Variants in RSPH3 observed in about 807,000 individuals in gnomAD.
The protein encoded by RSPH3 is radial spoke head 3, also known as radial spoke head protein 3 homolog.
In RSPH3, 21 loss-of-function variants were observed where a neutral mutation model predicts 43.8. The ratio of observed to expected loss-of-function variants is 0.48; its 90% CI spans 0.34 to 0.69. RSPH3 has a LOEUF of 0.69. Among genes scored for constraint, RSPH3 ranks in the 30% least tolerant of loss-of-function variants. The pLI is 0.01. For missense variants in RSPH3, 487 were observed against 516.0 expected (o/e 0.94, Z 0.54); for synonymous variants, 173 against 179.8 (o/e 0.96, Z 0.30).
rs1017588350 is a variant in RSPH3 at position 158,973,203 on chromosome 6, G to T, written c.*4335C>A. 1.3e-5 allele frequency: 2 copies of T among 152,070 alleles called. No homozygotes were observed. The highest frequency in any genetic ancestry group is 6.5e-5 in the Admixed American group (1 of 15,268). 9.4% of individuals were successfully genotyped at this position (152,070 alleles called of 1,614,324 possible). A position where few individuals can be genotyped will look rare whatever the true frequency, so the allele number is the denominator to read the frequency against. On this transcript the variant is annotated 3_prime_UTR_variant, in exon 8 of 8. Transcript: ENST00000367069. The stretch of plus-strand genomic sequence containing the variant: ...AAACAGCCATGGCTATTGAACTACA[G>T]AATACATAAAAATACATTCTGTGAT...
Position 158,989,416 on chromosome 6 carries a change from T to G in RSPH3, c.205-2995A>C, listed in dbSNP as rs568898654. Among the ~76,000 whole-genome samples the G allele has an allele frequency of 2.5e-3, 374 of 152,350 alleles. 3 individuals are homozygous for G. Among genetic ancestry groups the G allele is most frequent in the African/African-American group, 8.6e-3 (358 of 41,580 alleles). On this transcript the variant is annotated intron_variant, in intron 2 of 7. Coordinates refer to ENST00000367069, the MANE Select transcript of RSPH3 (RefSeq NM_031924.8). The surrounding 1 kb of genome is among the most constrained non-coding windows in gnomAD (Gnocchi z 4.3). ...GTGGTGCCTTAAGGCCAGGTTCACC[T>G]GGCTCTAGTAAATGATCAGAGCACT...
intron 3 of RSPH3, among the ~76,000 whole-genome samples, chr6:158,985,072 A>T (rs1778184404): frequency 6.6e-6 from 1 of 152,184 alleles, no homozygotes; most frequent in South Asian, 2.1e-4. Flanking sequence ...TCCAAGGAAA[A>T]CACCAAGCAC....
At chr6:158,969,957 A>G (rs778081401), downstream of RSPH3, among the ~76,000 whole-genome samples, 1 of 152,174 alleles carries the variant, frequency 6.6e-6, no homozygotes, top group Non-Finnish European at 1.5e-5. Context: ...TTCTTTGAAT[A>G]TATAATAGCC....
rs1229597716 is a variant in RSPH3, at chr6:158,975,367, A to G, written c.*2171T>C. ...CTATTAGTGCAATAATTTATTTTAA[A>G]TTATTCTTTGTACCTCACAAAAACA... On this transcript the variant is annotated 3_prime_UTR_variant, in exon 8 of 8. Transcript: ENST00000367069. 2 of 152,216 alleles carry G rather than the reference A, an allele frequency of 1.3e-5. No homozygotes were observed. The highest frequency in any genetic ancestry group is 2.9e-5 in the Non-Finnish European group (2 of 68,028). 9.4% of individuals were successfully genotyped at this position (152,216 alleles called of 1,614,324 possible). A position where few individuals can be genotyped will look rare whatever the true frequency, so the allele number is the denominator to read the frequency against.
chr6:158,978,554 T>C lies in RSPH3; in HGVS notation c.860-208A>G, dbSNP rs550088668. ...ATTTTTTATTTTTATTTTTTTATTT[T>C]TTTTGAGACAGAGGTTTACTCTGTT... is the stretch of plus-strand genomic sequence containing the variant. On this transcript the variant is annotated intron_variant, in intron 6 of 7. Transcript: ENST00000367069. Among the ~76,000 whole-genome samples the C allele has an allele frequency of 2.0e-5, 3 of 152,324 alleles. No individual in the cohort carries two copies. The South Asian group carries it at 6.2e-4, about 32-fold the overall frequency.
rs760602630 is a variant in RSPH3 at position 158,999,624 on chromosome 6, C to G, written c.-74G>C. 25 of 1,613,686 alleles carry G rather than the reference C, an allele frequency of 1.5e-5. No individual in the cohort carries two copies. Among genetic ancestry groups the G allele is most frequent in the Non-Finnish European group, 2.1e-5 (25 of 1,179,750 alleles). On this transcript the variant is annotated 5_prime_UTR_variant, in exon 1 of 8. Coordinates refer to ENST00000367069, the MANE Select transcript of RSPH3 (RefSeq NM_031924.8). ...GGTGGGCGCTAAGGTGTTGTGGGACCCGGAGAGATGTAAGTAGTGCCAAGG... is the reference window on the plus strand; with the variant it reads ...GGTGGGCGCTAAGGTGTTGTGGGACGCGGAGAGATGTAAGTAGTGCCAAGG...
intron 2 of RSPH3, among the ~76,000 whole-genome samples, chr6:158,986,966 C>T (rs1778253617): frequency 1.3e-5 from 2 of 152,198 alleles, no homozygotes; most frequent in South Asian, 4.1e-4. Context: ...CTATAAATAT[C>T]AGTTAGTCCT....
In RSPH3 at chr6:158,980,901, G is replaced by T. The variant is rs766532794; in HGVS notation, c.732C>A (p.His244Gln). ...RRKKQQWEIM[H>Q]KHNETSQKIA... ...TTTTTTGTGATGTCTCGTTGTGCTTGTGCATTATTTCCCACTGCTGTTTCT... is the reference window on the plus strand; with the variant it reads ...TTTTTTGTGATGTCTCGTTGTGCTTTTGCATTATTTCCCACTGCTGTTTCT... The change falls in exon 6 of 8, where the codon CAC becomes CAA. Residue 244 changes from histidine to glutamine, a missense_variant. By Grantham distance (24) the His-to-Gln change is conservative (BLOSUM62 0). Transcript: ENST00000367069. 3.1e-6 allele frequency: 5 copies of T among 1,614,102 alleles called. No individual in the cohort carries two copies. The highest frequency in any genetic ancestry group is 4.2e-6 in the Non-Finnish European group (5 of 1,180,014).
intron 2 of RSPH3, among the ~76,000 whole-genome samples, chr6:158,992,423 G>C (rs935135232): frequency 1.3e-5 from 2 of 151,562 alleles, no homozygotes; most frequent in Non-Finnish European, 2.9e-5. Flanking sequence ...GGGACTACAG[G>C]GGCGTGCCAC....
chr6:158,973,300 C>A lies in RSPH3; in HGVS notation c.*4238G>T, dbSNP rs979401460. The A allele has an allele frequency of 1.6e-4, 25 of 152,028 alleles. No individual in the cohort carries two copies. The highest frequency in any genetic ancestry group is 5.8e-4 in the African/African-American group (24 of 41,414). The allele number at this position is 152,028 out of a possible 1,614,324, so 9.4% of individuals were successfully genotyped here. A position where few individuals can be genotyped will look rare whatever the true frequency, so the allele number is the denominator to read the frequency against. Reference sequence around the variant, plus strand: ...AGCAGGTAAAGCATAGAAAAAAAATCTAGCTGATATAGTTGTTATGTTTCA... The same window carrying A: ...AGCAGGTAAAGCATAGAAAAAAAATATAGCTGATATAGTTGTTATGTTTCA... On this transcript the variant is annotated 3_prime_UTR_variant, in exon 8 of 8. Transcript: ENST00000367069.
At position 158,983,803 on chromosome 6, in the gene RSPH3, TA is replaced by T; in HGVS notation, c.350del (p.Leu117TyrfsTer10). 1 of 1,594,186 alleles carries T rather than the reference TA, an allele frequency of 6.3e-7. No individual in the cohort carries two copies. The highest frequency in any genetic ancestry group is 8.6e-7 in the Non-Finnish European group (1 of 1,162,022). ...TGCGATCAGCAATTTCTTCAAGGTA[TA>T]ATTCTAAGAAGAATATCATATATAT... ...GRKHVDVQTE[L>X]YLEEIADRII... On this transcript the variant is annotated frameshift_variant, in exon 4 of 8. Coordinates refer to ENST00000367069, the MANE Select transcript of RSPH3 (RefSeq NM_031924.8). LOFTEE classifies it high-confidence loss of function.
intron 1 of RSPH3, among the ~76,000 whole-genome samples, chr6:158,994,495 T>C (rs1305640325): frequency 6.6e-6 from 1 of 152,124 alleles, no homozygotes; most frequent in Non-Finnish European, 1.5e-5. Context: ...CTACTAAAAA[T>C]ACAAAATTAG....
Position 158,999,742 on chromosome 6 carries a change from C to G in RSPH3, c.-192G>C, listed in dbSNP as rs779451502. On this transcript the variant is annotated 5_prime_UTR_variant, in exon 1 of 8. Coordinates refer to ENST00000367069, the MANE Select transcript of RSPH3 (RefSeq NM_031924.8). ...CAGGAGGTGGGAGCTATACTGGGCTCGCTCCCAGCACCACAGAGACCAGCT... is the reference window on the plus strand; with the variant it reads ...CAGGAGGTGGGAGCTATACTGGGCTGGCTCCCAGCACCACAGAGACCAGCT... The G allele has an allele frequency of 6.2e-7, 1 of 1,611,628 alleles. No individual in the cohort carries two copies. The highest frequency in any genetic ancestry group is 8.5e-7 in the Non-Finnish European group (1 of 1,178,384).
intron 1 of RSPH3, among the ~76,000 whole-genome samples, chr6:158,994,703 G>A (rs1469062064): frequency 1.3e-5 from 2 of 152,080 alleles, no homozygotes; most frequent in African/African-American, 4.8e-5. Context: ...TTCAGTGATT[G>A]AATGATTGCT....
downstream of RSPH3, among the ~76,000 whole-genome samples, chr6:158,967,916 A>G (rs2128603322): frequency 6.6e-6 from 1 of 152,278 alleles, no homozygotes; most frequent in East Asian, 1.9e-4. Flanking sequence ...TACTGTTTGC[A>G]TGCCATATCT....
At chr6:158,978,543 T>G (rs1448328248) in intron 6 of RSPH3, among the ~76,000 whole-genome samples, 197 bp from the exon 7 acceptor site, 2 of 152,142 alleles carry the variant, frequency 1.3e-5, no homozygotes, top group Non-Finnish European at 2.9e-5. Flanking sequence ...TTTATTTTTA[T>G]TTTTTTATTT....
At position 158,980,901 on chromosome 6, in the gene RSPH3, G is replaced by C. The variant is rs766532794; in HGVS notation, c.732C>G (p.His244Gln). The C allele has an allele frequency of 1.2e-6, 2 of 1,613,984 alleles. No individual in the cohort carries two copies. Among genetic ancestry groups the C allele is most frequent in the Non-Finnish European group, 1.7e-6 (2 of 1,180,022 alleles). The change falls in exon 6 of 8, where the codon CAC becomes CAG. Residue 244 changes from histidine to glutamine, a missense_variant. His to Gln is a conservative substitution (Grantham distance 24). Transcript: ENST00000367069. ...TTTTTTGTGATGTCTCGTTGTGCTT[G>C]TGCATTATTTCCCACTGCTGTTTCT... ...RRKKQQWEIM[H>Q]KHNETSQKIA...
the RSPH3 span, among the ~76,000 whole-genome samples, chr6:158,964,788 T>A: frequency 6.6e-6 from 1 of 152,192 alleles, no homozygotes; most frequent in Non-Finnish European, 1.5e-5. Flanking sequence ...TTCTTGATGG[T>A]GTCCTTTGAA....
intron 2 of RSPH3, 131 bp downstream of exon 2, chr6:158,993,708 T>C (rs916316646): frequency 1.9e-6 from 1 of 536,990 alleles, no homozygotes; most frequent in Non-Finnish European, 3.2e-6. Context: ...AAAAATTTCA[T>C]TTTTATAGTA....
Sources: gnomAD v4.1 joint callset for allele counts (sites outside exome capture counted in the v4.1 genomes callset) on GRCh38, gnomAD v4.1.1 for gene constraint, Gnocchi (gnomAD v3.1) non-coding constraint, MANE v1.5 for transcripts, NCBI Gene and HGNC (gene_info 2026-07-23, HGNC 2026-07-21) for gene names.